The following WNT9B variants were observed in gnomAD, a reference collection of about 807,000 sequenced individuals.
WNT9B encodes the protein protein Wnt-9b.
A neutral mutation model predicts 30.2 loss-of-function variants in WNT9B; 12 were observed. The ratio of observed to expected loss-of-function variants is 0.40; its 90% CI spans 0.26 to 0.64. The LOEUF is 0.64. Ranked by LOEUF, WNT9B falls within the 30% of genes least tolerant of loss-of-function variation. The pLI, the probability that WNT9B is intolerant of heterozygous loss-of-function variation, is 0.42. For synonymous variants in WNT9B, 218 were observed against 216.9 expected, an observed-to-expected ratio of 1.01 and a Z score of -0.05; for missense variants, 442 against 485.2, an observed-to-expected ratio of 0.91 and a Z score of 0.84.
upstream of WNT9B, among the ~76,000 whole-genome samples, chr17:46,850,139 C>T (rs1353942255): frequency 6.6e-6 from 1 of 152,196 alleles, no homozygotes. Context: ...CATGAGCCAA[C>T]GTGCCTGGCC....
downstream of WNT9B, among the ~76,000 whole-genome samples, chr17:46,884,420 GA>G (rs2085464683): frequency 6.6e-6 from 1 of 152,212 alleles, no homozygotes; most frequent in Non-Finnish European, 1.5e-5. Flanking sequence ...TAAGGGGCGT[GA>G]GGGGGCACAC....
chr17:46,847,077 T>C (rs112263394), upstream of WNT9B, among the ~76,000 whole-genome samples: 3 of 152,374 alleles, frequency 2.0e-5, no homozygotes, highest in African/African-American at 7.2e-5. Context: ...CAAACATTCT[T>C]GTCATAGAAA....
intron 3 of WNT9B, among the ~76,000 whole-genome samples, chr17:46,875,719 A>G (rs2146610075): frequency 6.6e-6 from 1 of 152,250 alleles, no homozygotes; most frequent in East Asian, 1.9e-4. Context: ...GAAGCCCAAC[A>G]TTGTTTGAAA....
chr17:46,874,945 G>C (rs758171158), intron 2 of WNT9B, 156 bp from the exon 3 acceptor site: 1 of 1,166,162 alleles, frequency 8.6e-7, no homozygotes, highest in Non-Finnish European at 1.3e-6. Flanking sequence ...AGACCCACCC[G>C]GAGCTGTGTC....
intron 1 of WNT9B, among the ~76,000 whole-genome samples, chr17:46,855,353 C>G (rs1234405569): frequency 3.3e-5 from 5 of 152,220 alleles, no homozygotes; most frequent in African/African-American, 4.8e-5. Context: ...GCACTGACCC[C>G]TGCTAGACTG....
chr17:46,856,531 C>A (rs537620775), intron 1 of WNT9B, among the ~76,000 whole-genome samples: 2 of 150,636 alleles, frequency 1.3e-5, no homozygotes, highest in African/African-American at 4.9e-5. Context: ...GTCGCCCAGG[C>A]TGGAATGCAG....
At chr17:46,853,363 CTTTTTTTTTT>C (rs35252647) in intron 1 of WNT9B, among the ~76,000 whole-genome samples, 5 of 78,896 alleles carry the variant, frequency 6.3e-5, no homozygotes, top group East Asian at 5.0e-4. Context: ...ATGCTAGTGA[CTTTTTTTTTT>C]TTTTTTTTTT....
intron 1 of WNT9B, among the ~76,000 whole-genome samples, chr17:46,839,846 G>A (rs1169826649): frequency 6.6e-6 from 1 of 152,084 alleles, no homozygotes; most frequent in Admixed American, 6.6e-5. Flanking sequence ...TCCCTGCAAA[G>A]GACATGAACT....
At chr17:46,857,558 A>G (rs2084959710) in intron 1 of WNT9B, among the ~76,000 whole-genome samples, 1 of 151,710 alleles carries the variant, frequency 6.6e-6, no homozygotes, top group Non-Finnish European at 1.5e-5. Flanking sequence ...ACATCCATGT[A>G]CATCTCTTTT....
chr17:46,845,356 G>A (rs2084763495), intron 1 of WNT9B, among the ~76,000 whole-genome samples: 1 of 152,066 alleles, frequency 6.6e-6, no homozygotes, highest in Non-Finnish European at 1.5e-5. Flanking sequence ...CTATGCTCCT[G>A]GAAGTGGTAA....
At chr17:46,849,230 C>G (rs2084811168), upstream of WNT9B, among the ~76,000 whole-genome samples, 1 of 152,266 alleles carries the variant, frequency 6.6e-6, no homozygotes, top group Non-Finnish European at 1.5e-5. Context: ...CCACTGATGT[C>G]TCCATCGAGT....
At chr17:46,849,849 C>T (rs1430224382), upstream of WNT9B, among the ~76,000 whole-genome samples, 4 of 145,798 alleles carry the variant, frequency 2.7e-5, no homozygotes, top group South Asian at 4.3e-4. Flanking sequence ...CATTTAATAT[C>T]TTTTTTTTTT....
upstream of WNT9B, among the ~76,000 whole-genome samples, chr17:46,849,775 A>G (rs2084817678): frequency 6.6e-6 from 1 of 151,894 alleles, no homozygotes; most frequent in Non-Finnish European, 1.5e-5. Context: ...TGTAAACACC[A>G]TCACACCCCA....
At chr17:46,839,940 CTTTCTTTCTT>C (rs1024665685) in intron 1 of WNT9B, among the ~76,000 whole-genome samples, 2 of 148,120 alleles carry the variant, frequency 1.4e-5, no homozygotes, top group Non-Finnish European at 3.0e-5. Flanking sequence ...TTCTTTCTTT[CTTTCTTTCTT>C]TCTTTCTTTC....
chr17:46,850,318 G>A (rs1047768527), upstream of WNT9B, among the ~76,000 whole-genome samples: 8 of 152,222 alleles, frequency 5.3e-5, no homozygotes, highest in African/African-American at 1.9e-4. Flanking sequence ...TGGCAGAGCT[G>A]TTAGGAATCA....
intron 1 of WNT9B, among the ~76,000 whole-genome samples, chr17:46,834,846 G>T (rs533742771): frequency 6.6e-6 from 1 of 152,284 alleles, no homozygotes; most frequent in South Asian, 2.1e-4. Flanking sequence ...TCTCTAGCTT[G>T]TTCAGGGAAG....
In WNT9B at chr17:46,877,672, C is replaced by A. The variant is rs1006694689; in HGVS notation, c.*954C>A. 6.6e-6 allele frequency among the ~76,000 whole-genome samples: 1 copy of A among 152,198 alleles called. No individual in the cohort carries two copies. The highest frequency in any genetic ancestry group is 2.4e-5 in the African/African-American group (1 of 41,450). ...GTTTCTCAGCTGGCTCTTGAGTGAG[C>A]TTTGGTGACTTCCTGTGGCTGGGGC... is the stretch of plus-strand genomic sequence containing the variant. On this transcript the variant is annotated 3_prime_UTR_variant, in exon 4 of 4. Coordinates refer to ENST00000290015, the MANE Select transcript of WNT9B (RefSeq NM_003396.3).
intron 2 of WNT9B, 133 bp downstream of exon 2, chr17:46,872,906 G>C: frequency 9.0e-7 from 1 of 1,116,714 alleles, no homozygotes. Flanking sequence ...GCCCTAGCAC[G>C]GTCCCAAATG....
intron 1 of WNT9B, among the ~76,000 whole-genome samples, chr17:46,839,957 T>TTTCTTTCC (rs1555693231): frequency 2.1e-5 from 3 of 142,280 alleles, no homozygotes; most frequent in Non-Finnish European, 3.1e-5. Flanking sequence ...TCTTTCTTTC[T>TTTCTTTCC]TTCTTTCTTT....
Sources: allele counts gnomAD v4.1 joint callset (sites outside exome capture counted in the v4.1 genomes callset), GRCh38; gene constraint gnomAD v4.1.1; transcripts MANE v1.5; gene names NCBI Gene and HGNC (gene_info 2026-07-23, HGNC 2026-07-21).